PTPRG: variants seen among roughly 807,000 people sequenced by gnomAD.
The protein encoded by PTPRG is protein tyrosine phosphatase receptor type G.
A neutral mutation model predicts 165.3 loss-of-function variants in PTPRG; 102 were observed. That is an observed-to-expected ratio of 0.62 (90% confidence interval 0.53 to 0.73). PTPRG has a LOEUF of 0.73. PTPRG is among the 30% of genes least tolerant of loss of function. PTPRG has a pLI of 0.00. For synonymous variants in PTPRG, 675 were observed against 669.5 expected, an observed-to-expected ratio of 1.01 and a Z score of -0.13; for missense variants, 1,866 against 1,861.4, an observed-to-expected ratio of 1.00 and a Z score of -0.05.
chr3:62,111,657 C>T (rs890363716), intron 5 of PTPRG, among the ~76,000 whole-genome samples: 1 of 152,144 alleles, frequency 6.6e-6, no homozygotes, highest in South Asian at 2.1e-4. Context: ...CTGTGTTGTC[C>T]AGGCTGGTCT....
At chr3:62,194,927 C>G in intron 9 of PTPRG, 135 bp from the exon 10 acceptor site, 2 of 798,246 alleles carry the variant, frequency 2.5e-6, no homozygotes, top group South Asian at 3.4e-5. Flanking sequence ...TCTTTCCTTC[C>G]AAAGTGAGCC....
intron 6 of PTPRG, among the ~76,000 whole-genome samples, chr3:62,148,208 C>A (rs115100239): frequency 0.013 from 1,965 of 152,128 alleles, 35 homozygotes; most frequent in Middle Eastern, 0.044. Context: ...GACATTTGAG[C>A]TCAGACATGA....
intron 4 of PTPRG, among the ~76,000 whole-genome samples, chr3:62,006,415 C>A (rs1320934444): frequency 6.6e-6 from 1 of 152,180 alleles, no homozygotes; most frequent in Admixed American, 6.5e-5. Flanking sequence ...ACCCATCTCT[C>A]CCTACGATTT....
intron 2 of PTPRG, among the ~76,000 whole-genome samples, chr3:61,810,922 T>A (rs138845876): frequency 2.2e-4 from 33 of 152,312 alleles, no homozygotes; most frequent in African/African-American, 7.2e-4. Flanking sequence ...ATTGGCTACC[T>A]GCCAGCCAAT....
intron 1 of PTPRG, among the ~76,000 whole-genome samples, chr3:61,718,707 T>C (rs2031924230): frequency 6.6e-6 from 1 of 152,200 alleles, no homozygotes; most frequent in African/African-American, 2.4e-5. Context: ...GGACTTGAAG[T>C]GGCCCAGAGA....
At chr3:62,033,098 C>A (rs748320843) in intron 4 of PTPRG, among the ~76,000 whole-genome samples, 3 of 152,116 alleles carry the variant, frequency 2.0e-5, no homozygotes, top group Non-Finnish European at 2.9e-5. Context: ...CCGGCTCCTG[C>A]CTCCCAGCCC....
At chr3:61,910,935 A>G (rs1312482989) in intron 2 of PTPRG, among the ~76,000 whole-genome samples, 3 of 152,002 alleles carry the variant, frequency 2.0e-5, no homozygotes, top group African/African-American at 7.3e-5. Context: ...GTTGTCCCCC[A>G]TTCTTTATGT....
chr3:62,225,855 T>C (rs1559677114), intron 13 of PTPRG, among the ~76,000 whole-genome samples: 1 of 151,982 alleles, frequency 6.6e-6, no homozygotes, highest in Non-Finnish European at 1.5e-5. Flanking sequence ...GATTTTGCCA[T>C]GTTGGCCAGG....
intron 1 of PTPRG, among the ~76,000 whole-genome samples, chr3:61,570,689 T>G (rs1700035117): frequency 7.9e-5 from 12 of 152,214 alleles, no homozygotes; most frequent in Admixed American, 7.9e-4. Context: ...CATAAGCAAT[T>G]GACCAAGCAT....
In PTPRG at chr3:62,005,307, T is replaced by C. The variant is rs2041269658; in HGVS notation, c.519+1810T>C. ...GGAATGAATCATTTCTTAGAAGTCT[T>C]AGCTTTATTTCCACTTGGAAAACTT... On this transcript the variant is annotated intron_variant, in intron 4 of 29. Transcript: ENST00000474889. 2.6e-5 allele frequency among the ~76,000 whole-genome samples: 4 copies of C among 152,326 alleles called. No individual in the cohort carries two copies. The South Asian group carries it at 8.3e-4, about 32-fold the overall frequency.
At chr3:61,584,815 G>C in intron 1 of PTPRG, among the ~76,000 whole-genome samples, 1 of 152,208 alleles carries the variant, frequency 6.6e-6, no homozygotes, top group East Asian at 1.9e-4. Context: ...ATCTCTGCCT[G>C]CCCCAGACCA....
chr3:61,680,249 G>A (rs549308820), intron 1 of PTPRG, among the ~76,000 whole-genome samples: 47 of 152,226 alleles, frequency 3.1e-4, no homozygotes, highest in Non-Finnish European at 5.6e-4. Flanking sequence ...TGTCCAGACA[G>A]TTAATTGTGA....
rs868512749 is a variant in PTPRG at position 62,286,978 on chromosome 3, C to T, written c.4055+4109C>T. ...CTGTGCATTTGATTGATTTGACTTG[C>T]GAGTTTCTTGTCATGTTTAAGCCAT... On this transcript the variant is annotated intron_variant, in intron 28 of 29. Coordinates refer to ENST00000474889, the MANE Select transcript of PTPRG (RefSeq NM_002841.4). Among the ~76,000 whole-genome samples the T allele has an allele frequency of 3.3e-5, 5 of 152,112 alleles. No individual in the cohort carries two copies. The East Asian group carries it at 5.8e-4, about 18-fold the overall frequency.
chr3:62,210,385 AC>A lies in PTPRG; in HGVS notation c.2155+6438del, dbSNP rs1326346850. Among the ~76,000 whole-genome samples, 1 of 152,210 alleles carries A rather than the reference AC, an allele frequency of 6.6e-6. No individual in the cohort carries two copies. Among genetic ancestry groups the A allele is most frequent in the African/African-American group, 2.4e-5 (1 of 41,458 alleles). ...AACAGCAGCCACCTTATCATTTCAC[AC>A]CCGTTAGAATGGCTTCTATCAAAAA... On this transcript the variant is annotated intron_variant, in intron 12 of 29. Transcript: ENST00000474889. This position sits in a 1 kb window ranked among gnomAD's most constrained non-coding sequence, Gnocchi z 4.1.
rs149831590 is a variant in PTPRG, at chr3:61,590,024, T to C, written c.85+27652T>C. ...GCCAGAGGGTTTCAGACTGATGCTT[T>C]CCGAGACACGTGGTAAGTGGTGACT... On this transcript the variant is annotated intron_variant, in intron 1 of 29. Coordinates refer to ENST00000474889, the MANE Select transcript of PTPRG (RefSeq NM_002841.4). Among the ~76,000 whole-genome samples, 640 of 152,090 alleles carry C rather than the reference T, an allele frequency of 4.2e-3. 5 individuals carry two copies. The highest frequency in any genetic ancestry group is 0.015 in the African/African-American group (607 of 41,446).
At chr3:62,152,656 C>T (rs1232907528) in intron 6 of PTPRG, among the ~76,000 whole-genome samples, 1 of 152,064 alleles carries the variant, frequency 6.6e-6, no homozygotes, top group Non-Finnish European at 1.5e-5. Flanking sequence ...AACTGCTCTT[C>T]GACTTGAACT....
At chr3:61,850,486 A>G (rs1036268862) in intron 2 of PTPRG, among the ~76,000 whole-genome samples, 1 of 152,226 alleles carries the variant, frequency 6.6e-6, no homozygotes, top group African/African-American at 2.4e-5. Context: ...TTAAACATAG[A>G]AGGTATGACA....
At position 62,013,533 on chromosome 3, in the gene PTPRG, A is replaced by G. The variant is rs150454721; in HGVS notation, c.519+10036A>G. 9.3e-3 allele frequency among the ~76,000 whole-genome samples: 1,421 copies of G among 152,312 alleles called. 24 individuals are homozygous for G. Among genetic ancestry groups the G allele is most frequent in the African/African-American group, 0.032 (1,313 of 41,566 alleles). On this transcript the variant is annotated intron_variant, in intron 4 of 29. Transcript: ENST00000474889. ...TAGTTAATAAAAATGTATTGTATGC[A>G]GTATTCAGGATTTTTGCTAAACGTG...
chr3:61,810,825 T>C (rs2035552303), intron 2 of PTPRG, among the ~76,000 whole-genome samples: 1 of 151,964 alleles, frequency 6.6e-6, no homozygotes, highest in South Asian at 2.1e-4. Flanking sequence ...AGGGTTGTAA[T>C]GAGGGTAGCT....
Sources: allele counts gnomAD v4.1 joint callset (sites outside exome capture counted in the v4.1 genomes callset), GRCh38; gene constraint gnomAD v4.1.1; non-coding constraint Gnocchi (gnomAD v3.1); transcripts MANE v1.5; gene names NCBI Gene and HGNC (gene_info 2026-07-23, HGNC 2026-07-21).